Variants in CDH13 observed in about 807,000 individuals in gnomAD.
The protein encoded by CDH13 is cadherin-13.
CDH13 carries 24 observed loss-of-function variants against 63.8 expected under a neutral mutation model. The ratio of observed to expected loss-of-function variants is 0.38; its 90% CI spans 0.27 to 0.53. The LOEUF is 0.53. Among genes scored for constraint, CDH13 ranks in the 20% least tolerant of loss-of-function variants. The pLI is 0.85. For missense variants in CDH13, 1,049 were observed against 903.1 expected (o/e 1.16, Z -2.07); for synonymous variants, 503 against 355.3 (o/e 1.42, Z -4.67).
chr16:83,562,124 G>A (rs1282365936), intron 7 of CDH13, among the ~76,000 whole-genome samples: 1 of 152,130 alleles, frequency 6.6e-6, no homozygotes, highest in East Asian at 1.9e-4. Context: ...TCTGCATGGG[G>A]CTCCAGCCTT....
intron 1 of CDH13, among the ~76,000 whole-genome samples, chr16:82,748,029 T>C (rs942360529): frequency 2.6e-5 from 4 of 152,242 alleles, no homozygotes; most frequent in East Asian, 1.9e-4. Flanking sequence ...ATTTCCCAGA[T>C]ACAGAGAAAT....
At chr16:82,751,576 G>C (rs1312771514) in intron 1 of CDH13, among the ~76,000 whole-genome samples, 2 of 152,066 alleles carry the variant, frequency 1.3e-5, no homozygotes, top group African/African-American at 4.8e-5. Context: ...AGAATTATAG[G>C]ACAGAGCCCC....
At chr16:82,980,265 C>T (rs537195066) in intron 2 of CDH13, among the ~76,000 whole-genome samples, 24 of 152,240 alleles carry the variant, frequency 1.6e-4, no homozygotes, top group African/African-American at 5.5e-4. Flanking sequence ...CACCTGATTC[C>T]TTTTCTCCCT....
At chr16:83,213,685 G>C (rs1196589174) in intron 4 of CDH13, among the ~76,000 whole-genome samples, 3 of 152,174 alleles carry the variant, frequency 2.0e-5, no homozygotes, top group Admixed American at 2.0e-4. Flanking sequence ...GCTCATCTCA[G>C]GTGTGCTTAG....
At chr16:83,348,350 G>A (rs938649147) in intron 6 of CDH13, among the ~76,000 whole-genome samples, 25 of 152,132 alleles carry the variant, frequency 1.6e-4, no homozygotes, top group East Asian at 5.8e-4. Flanking sequence ...CTAGTTCTTC[G>A]GATGAAATAG....
At chr16:83,029,660 G>A (rs893561131) in intron 2 of CDH13, among the ~76,000 whole-genome samples, 1 of 152,152 alleles carries the variant, frequency 6.6e-6, no homozygotes, top group Non-Finnish European at 1.5e-5. Flanking sequence ...CCATGCAAAT[G>A]CAGGTAAAAC....
intron 6 of CDH13, among the ~76,000 whole-genome samples, chr16:83,443,917 A>G (rs1383754904): frequency 6.8e-6 from 1 of 147,440 alleles, no homozygotes; most frequent in Non-Finnish European, 1.5e-5. Context: ...CCTGGGCAAC[A>G]GAGGAAACCG....
intron 8 of CDH13, among the ~76,000 whole-genome samples, chr16:83,605,488 T>G (rs1468060844): frequency 6.6e-6 from 1 of 152,170 alleles, no homozygotes; most frequent in African/African-American, 2.4e-5. Context: ...AGCCATGTGG[T>G]GGGAGCATGT....
chr16:83,595,268 T>G (rs1017823469), intron 7 of CDH13, among the ~76,000 whole-genome samples: 1 of 152,250 alleles, frequency 6.6e-6, no homozygotes, highest in Non-Finnish European at 1.5e-5. Context: ...GAAATGCCAC[T>G]GATATGCTCA....
intron 2 of CDH13, among the ~76,000 whole-genome samples, chr16:83,015,765 G>C (rs763672556): frequency 3.7e-4 from 50 of 133,774 alleles, no homozygotes; most frequent in Admixed American, 2.4e-4. Flanking sequence ...CCTTAGACTT[G>C]CCGTGGGTAT....
intron 5 of CDH13, among the ~76,000 whole-genome samples, chr16:83,341,790 A>T (rs2090728169): frequency 6.6e-6 from 1 of 151,542 alleles, no homozygotes; most frequent in Admixed American, 6.6e-5. Context: ...ACCATTCCCC[A>T]CTCCTAAATT....
chr16:83,711,241 C>T (rs1283922421), intron 10 of CDH13, among the ~76,000 whole-genome samples: 2 of 152,152 alleles, frequency 1.3e-5, no homozygotes, highest in Non-Finnish European at 2.9e-5. Flanking sequence ...CAAGGATGCC[C>T]CATAATTAAT....
intron 6 of CDH13, among the ~76,000 whole-genome samples, chr16:83,449,219 T>C (rs1396583957): frequency 6.6e-6 from 1 of 152,218 alleles, no homozygotes; most frequent in Admixed American, 6.5e-5. Context: ...TCATTTATAA[T>C]GTCAAGCCCT....
chr16:83,672,965 G>A (rs922563070), intron 9 of CDH13, among the ~76,000 whole-genome samples: 10 of 152,138 alleles, frequency 6.6e-5, no homozygotes, highest in African/African-American at 2.4e-4. Context: ...GGACACAGAG[G>A]GCCAGTGCCA....
chr16:82,709,672 T>G (rs2031763208), intron 1 of CDH13, among the ~76,000 whole-genome samples: 1 of 152,242 alleles, frequency 6.6e-6, no homozygotes. Context: ...TTATTAGGAC[T>G]TCACATGAGC....
intron 5 of CDH13, among the ~76,000 whole-genome samples, chr16:83,233,303 C>T (rs66969614): frequency 0.12 from 18,647 of 152,224 alleles, 1,307 homozygotes; most frequent in Non-Finnish European, 0.16. Context: ...CACCCAGTGA[C>T]GACCACGACA....
intron 4 of CDH13, among the ~76,000 whole-genome samples, chr16:83,167,772 A>C (rs543700719): frequency 1.4e-4 from 21 of 152,126 alleles, no homozygotes; most frequent in African/African-American, 4.8e-4. Context: ...CTGGATAGAC[A>C]TAATAGCAAA....
chr16:83,465,295 G>A (rs529166877), intron 6 of CDH13, among the ~76,000 whole-genome samples: 3 of 152,302 alleles, frequency 2.0e-5, no homozygotes, highest in Admixed American at 1.3e-4. Flanking sequence ...GGCGACAGAA[G>A]CAACATAACT....
intron 1 of CDH13, among the ~76,000 whole-genome samples, chr16:82,648,720 G>C (rs189761405): frequency 6.6e-6 from 1 of 152,048 alleles, no homozygotes. Context: ...ATACACTTGC[G>C]TTACATCTAT....
Sources: allele counts gnomAD v4.1 joint callset (sites outside exome capture counted in the v4.1 genomes callset), GRCh38; gene constraint gnomAD v4.1.1; transcripts MANE v1.5; gene names NCBI Gene and HGNC (gene_info 2026-07-23, HGNC 2026-07-21).